The following PPP1R15B variants were observed in gnomAD, a reference collection of about 807,000 sequenced individuals.
PPP1R15B encodes protein phosphatase 1, regulatory (inhibitor) subunit 15B.
PPP1R15B carries 31 observed loss-of-function variants against 53.9 expected under a neutral mutation model. The observed-to-expected ratio is 0.58, with a 90% confidence interval of 0.43 to 0.78. The LOEUF (loss-of-function observed/expected upper bound fraction) is 0.78, where lower values mean the gene tolerates loss of function less well. Among genes scored for constraint, PPP1R15B ranks in the 30% least tolerant of loss-of-function variants. PPP1R15B has a pLI of 0.00. For missense variants in PPP1R15B, 928 were observed against 849.6 expected, an observed-to-expected ratio of 1.09 and a Z score of -1.15; for synonymous variants, 345 against 329.1, an observed-to-expected ratio of 1.05 and a Z score of -0.52.
Position 204,410,263 on chromosome 1 carries a change from C to T in PPP1R15B, c.1149G>A (p.Glu383=), listed in dbSNP as rs761496446. 1.9e-6 allele frequency: 3 copies of T among 1,614,162 alleles called. No homozygotes were observed. Among genetic ancestry groups the T allele is most frequent in the Non-Finnish European group, 1.7e-6 (2 of 1,180,028 alleles). The change falls in exon 1 of 2, where the codon GAG becomes GAA. Residue 383 remains glutamate, a synonymous_variant. Transcript: ENST00000367188. Reference sequence around the variant, plus strand: ...TAGGTATCTCACTAGATGGACAGCCCTCAGAAGGGCTCTCTTCTTCCAAAG... The same window carrying T: ...TAGGTATCTCACTAGATGGACAGCCTTCAGAAGGGCTCTCTTCTTCCAAAG... ...PLALEEESPS[E]GCPSSEIPME... is the part of the protein sequence containing the mutation.
downstream of PPP1R15B, among the ~76,000 whole-genome samples, chr1:204,398,085 C>G (rs1384697607): frequency 1.3e-5 from 2 of 152,084 alleles, no homozygotes; most frequent in Non-Finnish European, 2.9e-5. Flanking sequence ...TATCATGTGT[C>G]TAAAATACTC....
chr1:204,403,539 CCTTAAA>C lies in PPP1R15B; in HGVS notation c.*2547_*2552del. ...TCTTCTAGTCCCCTAACTTTACCTTCCTTAAATTATACAAAAATAAAATCTGATAGT... is the reference window on the plus strand; with the variant it reads ...TCTTCTAGTCCCCTAACTTTACCTTCTTATACAAAAATAAAATCTGATAGT... On this transcript the variant is annotated 3_prime_UTR_variant, in exon 2 of 2. Coordinates refer to ENST00000367188, the MANE Select transcript of PPP1R15B (RefSeq NM_032833.5). 1 of 976,676 alleles carries C rather than the reference CCTTAAA, an allele frequency of 1.0e-6. No homozygotes were observed. The highest frequency in any genetic ancestry group is 1.2e-6 in the Non-Finnish European group (1 of 821,658). The allele number at this position is 976,676 out of a possible 1,614,324, so 60.5% of individuals were successfully genotyped here.
chr1:204,406,902 C>T (rs968455706), intron 1 of PPP1R15B, among the ~76,000 whole-genome samples: 3 of 152,068 alleles, frequency 2.0e-5, no homozygotes, highest in Non-Finnish European at 4.4e-5. Context: ...GTCTGCCCCC[C>T]CCAATCCCCC....
chr1:204,409,799 C>A lies in PPP1R15B; in HGVS notation c.1613G>T (p.Gly538Val). ...SLPETPEHSSGEEDDWESSAD... is the reference protein window; with the variant it reads ...SLPETPEHSSVEEDDWESSAD... ...ACTAGATTCCCAGTCATCTTCCTCC[C>A]CAGAACTATGCTCAGGGGTCTCAGG... is the stretch of plus-strand genomic sequence containing the variant. The change falls in exon 1 of 2, where the codon GGG (glycine) becomes GTG (valine). Residue 538 changes from glycine (G) to valine (V), a missense_variant. Coordinates refer to ENST00000367188, the MANE Select transcript of PPP1R15B (RefSeq NM_032833.5). The A allele has an allele frequency of 6.2e-7, 1 of 1,614,198 alleles. No homozygotes were observed. The highest frequency in any genetic ancestry group is 8.5e-7 in the Non-Finnish European group (1 of 1,180,024).
rs1674326337 is a variant in PPP1R15B at position 204,409,698 on chromosome 1, T to G, written c.1714A>C (p.Lys572Gln). 3 of 1,613,916 alleles carry G rather than the reference T, an allele frequency of 1.9e-6. No individual in the cohort carries two copies. Among genetic ancestry groups the G allele is most frequent in the Middle Eastern group, 1.6e-4 (1 of 6,084 alleles). ...TCCCCTGATGTTTGAAAAGGAGCCT[T>G]AAAATTTAAAGGGTTGTAGGGGTCA... ...SDDPYNPLNFKAPFQTSGENE... is the reference protein window; with the variant it reads ...SDDPYNPLNFQAPFQTSGENE... Residue 572 changes from lysine (K) to glutamine (Q), a missense_variant, in exon 1 of 2, where the codon AAG (lysine) becomes CAG (glutamine). Transcript: ENST00000367188.
rs777530382 is a variant in PPP1R15B, at chr1:204,410,471, G to A, written c.941C>T (p.Pro314Leu). Residue 314 changes from proline (P) to leucine (L), a missense_variant, in exon 1 of 2, where the codon CCC becomes CTC. Coordinates refer to ENST00000367188, the MANE Select transcript of PPP1R15B (RefSeq NM_032833.5). ...GTAGCCATTATCCTGGTCAGGGGTG[G>A]GTAAATCTTGCCCCTTGCTAGCCTG... ...LQQASKGQDLPTPDQDNGYHS... is the reference protein window; with the variant it reads ...LQQASKGQDLLTPDQDNGYHS... 1.2e-6 allele frequency: 2 copies of A among 1,614,176 alleles called. No individual in the cohort carries two copies. Among genetic ancestry groups the A allele is most frequent in the East Asian group, 4.5e-5 (2 of 44,878 alleles).
At chr1:204,400,527 T>C (rs1258055805), downstream of PPP1R15B, among the ~76,000 whole-genome samples, 1 of 151,062 alleles carries the variant, frequency 6.6e-6, no homozygotes, top group African/African-American at 2.4e-5. Context: ...GGTTTTGCCA[T>C]GTTGCCCACA....
downstream of PPP1R15B, among the ~76,000 whole-genome samples, chr1:204,403,046 T>C (rs1016657677): frequency 9.2e-5 from 14 of 152,110 alleles, no homozygotes; most frequent in African/African-American, 3.4e-4. Flanking sequence ...CAATGCAGCC[T>C]GGGTGACAGA....
At position 204,411,099 on chromosome 1, in the gene PPP1R15B, C is replaced by T. The variant is rs752948753; in HGVS notation, c.313G>A (p.Ala105Thr). The change falls in exon 1 of 2, where the codon GCC (alanine) becomes ACC (threonine). Residue 105 changes from alanine (A) to threonine (T), a missense_variant. Transcript: ENST00000367188. ...RWLDFAGVYS[A>T]LRALKGREKP... ...TCCCGTCCCTTCAGGGCTCTCAGGG[C>T]GCTGTAGACTCCAGCAAAATCTAGC... 10 of 1,614,098 alleles carry T rather than the reference C, an allele frequency of 6.2e-6. No homozygotes were observed. In the South Asian group the frequency reaches 6.6e-5, roughly 11 times the overall value.
downstream of PPP1R15B, among the ~76,000 whole-genome samples, chr1:204,398,082 T>G (rs1450975133): frequency 6.6e-6 from 1 of 152,204 alleles, no homozygotes; most frequent in African/African-American, 2.4e-5. Context: ...GTGTATCATG[T>G]GTCTAAAATA....
rs1183773221 is a variant in PPP1R15B at position 204,406,070 on chromosome 1, G to C, written c.*22C>G. 2 of 1,613,086 alleles carry C rather than the reference G, an allele frequency of 1.2e-6. No homozygotes were observed. The highest frequency in any genetic ancestry group is 2.7e-5 in the African/African-American group (2 of 74,902). On this transcript the variant is annotated 3_prime_UTR_variant, in exon 2 of 2. Coordinates refer to ENST00000367188, the MANE Select transcript of PPP1R15B (RefSeq NM_032833.5). The stretch of plus-strand genomic sequence containing the variant: ...CTCAGGTAAGAGGTAGTGTATGCTA[G>C]CTAGGACTACAGGCTGCCAACTCAA...
chr1:204,406,297 T>C lies in PPP1R15B; in HGVS notation c.1937A>G (p.Glu646Gly). ...ACCACTTATATAATACTCAGTAACT[T>C]CTTCAAGGAAGGTTACCTACAAAAA... ...VKRKKVTFLE[E>G]VTEYYISGDE... The change falls in exon 2 of 2, where the codon GAA becomes GGA. Residue 646 changes from glutamate (E) to glycine (G), a missense_variant. Glu to Gly is a moderately conservative substitution (Grantham distance 98). Transcript: ENST00000367188. 1 of 1,613,964 alleles carries C rather than the reference T, an allele frequency of 6.2e-7. No homozygotes were observed.
chr1:204,399,437 G>A (rs1231033126), downstream of PPP1R15B, among the ~76,000 whole-genome samples: 1 of 152,078 alleles, frequency 6.6e-6, no homozygotes, highest in South Asian at 2.1e-4. Flanking sequence ...GCATCTGCCT[G>A]TAGTCCCAGC....
Position 204,411,325 on chromosome 1 carries a change from C to G in PPP1R15B, c.87G>C (p.Ser29=). 1 of 1,614,130 alleles carries G rather than the reference C, an allele frequency of 6.2e-7. No individual in the cohort carries two copies. Among genetic ancestry groups the G allele is most frequent in the Non-Finnish European group, 8.5e-7 (1 of 1,180,036 alleles). Residue 29 remains serine (S), a synonymous_variant, in exon 1 of 2, where the codon TCG becomes TCC. Coordinates refer to ENST00000367188, the MANE Select transcript of PPP1R15B (RefSeq NM_032833.5). ...RFWPPFFPRR[S]QAGSSKFPTP... ...TCGGGAACTTAGAAGAGCCTGCTTGCGATCGCCGAGGGAAAAAGGGTGGCC... is the reference window on the plus strand; with the variant it reads ...TCGGGAACTTAGAAGAGCCTGCTTGGGATCGCCGAGGGAAAAAGGGTGGCC...
downstream of PPP1R15B, among the ~76,000 whole-genome samples, chr1:204,401,284 A>G (rs1459474717): frequency 6.6e-6 from 1 of 152,224 alleles, no homozygotes; most frequent in Non-Finnish European, 1.5e-5. Context: ...TCTTTATGAT[A>G]CCGATTATTA....
intron 1 of PPP1R15B, among the ~76,000 whole-genome samples, chr1:204,409,082 A>G (rs59747769): frequency 0.07 from 10,667 of 152,302 alleles, 973 homozygotes; most frequent in African/African-American, 0.21. Context: ...GTATTTGCAG[A>G]CAACATACAT....
chr1:204,407,847 A>G (rs1674292739), intron 1 of PPP1R15B, among the ~76,000 whole-genome samples: 1 of 152,176 alleles, frequency 6.6e-6, no homozygotes, highest in African/African-American at 2.4e-5. Context: ...CATATATTCC[A>G]TACACCATTC....
chr1:204,402,171 G>A (rs1189024197), downstream of PPP1R15B, among the ~76,000 whole-genome samples: 1 of 152,038 alleles, frequency 6.6e-6, no homozygotes, highest in Non-Finnish European at 1.5e-5. Context: ...ACTAAATATT[G>A]TTTAACTGCA....
rs987389537 is a variant in PPP1R15B, at chr1:204,410,053, C to T, written c.1359G>A (p.Glu453=). Residue 453 remains glutamate (E), a synonymous_variant, in exon 1 of 2, where the codon GAG becomes GAA. Transcript: ENST00000367188. ...AGCTATCACTATCAAAACCATCATC[C>T]TCAGCTTCCTCATCCCAATCCTCAC... is the stretch of plus-strand genomic sequence containing the variant. ...PEGEDWDEEA[E]DDGFDSDSSL... is the part of the protein sequence containing the mutation. 14 of 1,614,088 alleles carry T rather than the reference C, an allele frequency of 8.7e-6. No individual in the cohort carries two copies.
Sources: allele counts gnomAD v4.1 joint callset (sites outside exome capture counted in the v4.1 genomes callset), GRCh38; gene constraint gnomAD v4.1.1; transcripts MANE v1.5; gene names NCBI Gene and HGNC (gene_info 2026-07-23, HGNC 2026-07-21).